The following ARHGEF10 variants were observed in gnomAD, a reference collection of about 807,000 sequenced individuals.
ARHGEF10 encodes Rho guanine nucleotide exchange factor (GEF) 10.
Under a neutral mutation model 147.4 loss-of-function variants are expected in ARHGEF10, and 140 were observed. The ratio of observed to expected loss-of-function variants is 0.95; its 90% CI spans 0.83 to 1.09. The LOEUF (loss-of-function observed/expected upper bound fraction) is 1.09, where lower values mean the gene tolerates loss of function less well. Among genes scored for constraint, ARHGEF10 ranks in the 50% least tolerant of loss-of-function variants. The pLI, the probability that ARHGEF10 is intolerant of heterozygous loss-of-function variation, is 0.00. For synonymous variants in ARHGEF10, 902 were observed against 695.8 expected, an observed-to-expected ratio of 1.30 and a Z score of -4.67; for missense variants, 2,222 against 1,752.7, an observed-to-expected ratio of 1.27 and a Z score of -4.78.
chr8:1,910,578 G>A (rs934510046), intron 18 of ARHGEF10, among the ~76,000 whole-genome samples: 2 of 152,186 alleles, frequency 1.3e-5, no homozygotes. Context: ...TCCCAAAAGA[G>A]CTGTTCTGGG....
rs148977755 is a variant in ARHGEF10 at position 1,941,757 on chromosome 8, C to T, written c.3223-3724C>T. 8.0e-3 allele frequency among the ~76,000 whole-genome samples: 1,219 copies of T among 152,298 alleles called. 7 individuals are homozygous for T. Among genetic ancestry groups the T allele is most frequent in the Non-Finnish European group, 0.014 (920 of 68,010 alleles). On this transcript the variant is annotated intron_variant, in intron 26 of 28. Transcript: ENST00000349830. ...AAGACAGCATGGTGCTGGCACGGGA[C>T]AGACACATACATCAGTGACATAGAC...
intron 18 of ARHGEF10, among the ~76,000 whole-genome samples, chr8:1,914,777 G>A (rs952435545): frequency 5.3e-5 from 8 of 152,204 alleles, no homozygotes; most frequent in Admixed American, 4.6e-4. Context: ...TGGTTTTCCT[G>A]TATGGCGTGT....
intron 26 of ARHGEF10, among the ~76,000 whole-genome samples, chr8:1,935,681 G>A (rs1813535122): frequency 6.6e-6 from 1 of 152,206 alleles, no homozygotes; most frequent in Non-Finnish European, 1.5e-5. Context: ...CCTCTCTACA[G>A]AGGAGCTTGT....
chr8:1,828,584 C>T (rs1283082057), intron 1 of ARHGEF10, among the ~76,000 whole-genome samples: 1 of 136,432 alleles, frequency 7.3e-6, no homozygotes, highest in East Asian at 2.2e-4. Flanking sequence ...GTGGCATGCA[C>T]ACTTCCTGTT....
At chr8:1,823,354 G>C (rs184642538), upstream of ARHGEF10, among the ~76,000 whole-genome samples, 2,111 of 151,918 alleles carry the variant, frequency 0.014, 109 homozygotes, top group East Asian at 0.093. Context: ...AGCTGCGGAC[G>C]GAGGGACGGG....
At chr8:1,871,088 G>A (rs1177777856) in intron 7 of ARHGEF10, 1 of 138,626 alleles carries the variant, frequency 7.2e-6, no homozygotes, top group Non-Finnish European at 1.5e-5. Flanking sequence ...TCTCCAGCCT[G>A]GGAAATGAGT....
intron 26 of ARHGEF10, among the ~76,000 whole-genome samples, chr8:1,941,774 G>C (rs1484614797): frequency 6.6e-6 from 1 of 152,172 alleles, no homozygotes; most frequent in Non-Finnish European, 1.5e-5. Context: ...ATACATCAGT[G>C]ACATAGACCG....
intron 2 of ARHGEF10, among the ~76,000 whole-genome samples, chr8:1,848,072 G>T (rs947820823): frequency 6.6e-6 from 1 of 152,188 alleles, no homozygotes; most frequent in Non-Finnish European, 1.5e-5. Context: ...TCAGGGTGCT[G>T]GGACCAGAGC....
At chr8:1,865,516 G>A (rs1482004013) in intron 5 of ARHGEF10, among the ~76,000 whole-genome samples, 16 of 151,054 alleles carry the variant, frequency 1.1e-4, no homozygotes, top group South Asian at 4.2e-4. Flanking sequence ...CAGCACCCAT[G>A]AGGCCGTCAC....
At chr8:1,920,143 A>G (rs1425597620) in intron 18 of ARHGEF10, among the ~76,000 whole-genome samples, 1 of 134,306 alleles carries the variant, frequency 7.4e-6, no homozygotes. Flanking sequence ...TGTGCCCTGG[A>G]GTTCTCCCTC....
chr8:1,894,992 A>G (rs972354493), intron 13 of ARHGEF10, among the ~76,000 whole-genome samples: 1 of 152,190 alleles, frequency 6.6e-6, no homozygotes, highest in Non-Finnish European at 1.5e-5. Context: ...GTGCAGAATT[A>G]TCTGTGCCTG....
chr8:1,869,094 G>T, intron 6 of ARHGEF10, 100 bp from the exon 7 acceptor site: 1 of 1,128,640 alleles, frequency 8.9e-7, no homozygotes, highest in Non-Finnish European at 1.3e-6. Context: ...CCAACTTTTT[G>T]AATAATCATG....
chr8:1,935,901 T>G (rs1486688899), intron 26 of ARHGEF10, among the ~76,000 whole-genome samples: 2 of 152,222 alleles, frequency 1.3e-5, no homozygotes, highest in Non-Finnish European at 1.5e-5. Flanking sequence ...GGAAGCAGGC[T>G]GCGGAACACT....
At position 1,858,109 on chromosome 8, in the gene ARHGEF10, C is replaced by A; in HGVS notation, c.187C>A (p.Pro63Thr). 1 of 1,541,784 alleles carries A rather than the reference C, an allele frequency of 6.5e-7. No homozygotes were observed. The highest frequency in any genetic ancestry group is 8.7e-7 in the Non-Finnish European group (1 of 1,143,426). ...TGCTGGAGCCAGTGAAGCCCCTGCACCCACAGGTGAGTTTCCAGGAGGGTC... is the reference window on the plus strand; with the variant it reads ...TGCTGGAGCCAGTGAAGCCCCTGCAACCACAGGTGAGTTTCCAGGAGGGTC... ...GGAGASEAPA[P>T]TGGEDGAGAE... The change falls in exon 3 of 29, where the codon CCC becomes ACC. Residue 63 changes from proline to threonine, a missense_variant. Transcript: ENST00000349830.
At chr8:1,830,874 G>C (rs1282400750) in intron 1 of ARHGEF10, among the ~76,000 whole-genome samples, 1 of 152,254 alleles carries the variant, frequency 6.6e-6, no homozygotes, top group Admixed American at 6.5e-5. Flanking sequence ...GTCATTGCCT[G>C]AAATGCCACT....
At chr8:1,951,429 T>C (rs1392621420) in intron 27 of ARHGEF10, among the ~76,000 whole-genome samples, 4 of 152,206 alleles carry the variant, frequency 2.6e-5, no homozygotes, top group Non-Finnish European at 5.9e-5. Context: ...GACATGCATA[T>C]TATTGAGCTT....
chr8:1,953,809 G>T (rs1215795225), intron 28 of ARHGEF10, among the ~76,000 whole-genome samples: 2 of 152,132 alleles, frequency 1.3e-5, no homozygotes, highest in Admixed American at 6.5e-5. Flanking sequence ...CACAGCCTTA[G>T]ATTCTATGTG....
At chr8:1,925,605 C>G (rs923475776) in intron 22 of ARHGEF10, among the ~76,000 whole-genome samples, 2 of 152,246 alleles carry the variant, frequency 1.3e-5, no homozygotes, top group East Asian at 1.9e-4. Flanking sequence ...GCCATTGTCT[C>G]TGAAGCCCAG....
intron 18 of ARHGEF10, among the ~76,000 whole-genome samples, chr8:1,922,408 A>C (rs1440687560): frequency 6.6e-6 from 1 of 152,284 alleles, no homozygotes; most frequent in East Asian, 1.9e-4. Context: ...AACGGTGTCT[A>C]AAAAATACAA....
Sources: gnomAD v4.1 joint callset for allele counts (sites outside exome capture counted in the v4.1 genomes callset) on GRCh38, gnomAD v4.1.1 for gene constraint, MANE v1.5 for transcripts, NCBI Gene and HGNC (gene_info 2026-07-23, HGNC 2026-07-21) for gene names.